NEK1: variants seen among roughly 807,000 people sequenced by gnomAD.
The protein encoded by NEK1 is serine/threonine-protein kinase Nek1.
A neutral mutation model predicts 182.1 loss-of-function variants in NEK1; 137 were observed. The ratio of observed to expected loss-of-function variants is 0.75; its 90% CI spans 0.65 to 0.87. NEK1 has a LOEUF of 0.87. Among genes scored for constraint, NEK1 ranks in the 40% least tolerant of loss-of-function variants. The pLI is 0.00. For missense variants in NEK1, 1,391 were observed against 1,494.4 expected (o/e 0.93, Z 1.14); for synonymous variants, 513 against 492.2 (o/e 1.04, Z -0.56).
rs117554262 is a variant in NEK1 at position 169,588,014 on chromosome 4, G to A, written c.552-401C>T. Among the ~76,000 whole-genome samples, 64 of 152,146 alleles carry A rather than the reference G, an allele frequency of 4.2e-4. 1 individual carries two copies. The East Asian group carries it at 0.011, about 27-fold the overall frequency. On this transcript the variant is annotated intron_variant, in intron 8 of 35. Transcript: ENST00000507142. ...AAATTTGCAACAGCTACTGACTAAT[G>A]TTACCTTGGTTGGGATTTTCCAATT...
At chr4:169,504,227 T>C (rs1054144822) in intron 23 of NEK1, among the ~76,000 whole-genome samples, 1 of 152,074 alleles carries the variant, frequency 6.6e-6, no homozygotes, top group African/African-American at 2.4e-5. Flanking sequence ...CAATAACAAA[T>C]GCTGGCGAGG....
At chr4:169,490,463 T>A (rs1749856097) in intron 23 of NEK1, among the ~76,000 whole-genome samples, 1 of 151,940 alleles carries the variant, frequency 6.6e-6, no homozygotes, top group African/African-American at 2.4e-5. Flanking sequence ...GGAATAATTC[T>A]CCAGATAATG....
In NEK1 at chr4:169,561,678, T is replaced by G; in HGVS notation, c.1191+9A>C. 6.4e-7 allele frequency: 1 copy of G among 1,565,716 alleles called. No individual in the cohort carries two copies. The highest frequency in any genetic ancestry group is 8.7e-7 in the Non-Finnish European group (1 of 1,153,728). On this transcript the variant is annotated intron_variant, in intron 15 of 35. Coordinates refer to ENST00000507142, the MANE Select transcript of NEK1 (RefSeq NM_001199397.3). ...AGAAAAAAGTATATTTAATAGATTA[T>G]CCTCTTACCCTTTCCTTTTCTTGCC...
intron 16 of NEK1, among the ~76,000 whole-genome samples, chr4:169,559,971 T>C (rs1483066199): frequency 6.6e-6 from 1 of 152,166 alleles, no homozygotes; most frequent in East Asian, 1.9e-4. Flanking sequence ...ATCGTGCCAT[T>C]GCACTCCAGC....
chr4:169,479,483 G>T lies in NEK1; in HGVS notation c.2059C>A (p.His687Asn). 6.2e-7 allele frequency: 1 copy of T among 1,611,756 alleles called. No individual in the cohort carries two copies. The highest frequency in any genetic ancestry group is 8.5e-7 in the Non-Finnish European group (1 of 1,178,824). ...TTTGATGGAGAGCCACCTGTTTCATGCTGTCCCAAAGGTGGAGAAACATCA... is the reference window on the plus strand; with the variant it reads ...TTTGATGGAGAGCCACCTGTTTCATTCTGTCCCAAAGGTGGAGAAACATCA... ...SSDVSPPLGQHETGGSPSKQQ... is the reference protein window; with the variant it reads ...SSDVSPPLGQNETGGSPSKQQ... Residue 687 changes from histidine (H) to asparagine (N), a missense_variant, in exon 24 of 36, where the codon CAT becomes AAT. His to Asn is a moderately conservative substitution (Grantham distance 68, BLOSUM62 1). Around this residue, in one of 5 missense-constraint regions of NEK1, gnomAD observed 1,216 missense variants for 1,277.6 expected, o/e 0.95. Coordinates refer to ENST00000507142, the MANE Select transcript of NEK1 (RefSeq NM_001199397.3).
chr4:169,499,173 C>T (rs939540905), intron 23 of NEK1, among the ~76,000 whole-genome samples: 1 of 152,170 alleles, frequency 6.6e-6, no homozygotes. Flanking sequence ...CACTGATACC[C>T]CTTCTTCCAG....
At chr4:169,497,938 G>T (rs1413453345) in intron 23 of NEK1, among the ~76,000 whole-genome samples, 1 of 152,210 alleles carries the variant, frequency 6.6e-6, no homozygotes, top group Non-Finnish European at 1.5e-5. Flanking sequence ...GTGCAGAGCT[G>T]AGTTCAATTC....
chr4:169,514,840 T>C (rs750478894), intron 19 of NEK1, among the ~76,000 whole-genome samples: 6 of 152,160 alleles, frequency 3.9e-5, no homozygotes, highest in African/African-American at 1.4e-4. Flanking sequence ...CTGGTCTCAA[T>C]TTTATCAGTA....
At chr4:169,435,296 G>C (rs2149416329) in intron 28 of NEK1, among the ~76,000 whole-genome samples, 1 of 152,054 alleles carries the variant, frequency 6.6e-6, no homozygotes, top group East Asian at 1.9e-4. Flanking sequence ...CATTAATGAG[G>C]GCGCCACTCT....
intron 12 of NEK1, among the ~76,000 whole-genome samples, chr4:169,564,866 A>T (rs1301636012): frequency 6.6e-6 from 1 of 152,200 alleles, no homozygotes; most frequent in African/African-American, 2.4e-5. Flanking sequence ...TAATTAAATG[A>T]TCATAAGCCA....
chr4:169,528,422 C>T (rs1278532752), intron 19 of NEK1, among the ~76,000 whole-genome samples: 4 of 152,090 alleles, frequency 2.6e-5, no homozygotes, highest in East Asian at 1.9e-4. Context: ...CATTAAGCCA[C>T]GAGGAAATAA....
chr4:169,484,372 C>T (rs895398031), intron 23 of NEK1, among the ~76,000 whole-genome samples: 3 of 152,100 alleles, frequency 2.0e-5, no homozygotes, highest in African/African-American at 4.8e-5. Flanking sequence ...CAATCTGACA[C>T]GATTTCTGTG....
chr4:169,563,175 C>T (rs1340614238), intron 12 of NEK1, among the ~76,000 whole-genome samples: 3 of 151,922 alleles, frequency 2.0e-5, no homozygotes, highest in African/African-American at 7.3e-5. Context: ...GCCTGGATAA[C>T]ATAGTGAGTC....
intron 10 of NEK1, among the ~76,000 whole-genome samples, 175 bp from the exon 11 acceptor site, chr4:169,581,077 C>T (rs565010519): frequency 2.1e-5 from 3 of 141,806 alleles, no homozygotes; most frequent in South Asian, 2.3e-4. Context: ...GCCCAGGTGT[C>T]GTGGTTCATG....
intron 31 of NEK1, 73 bp from the exon 32 acceptor site, chr4:169,406,820 C>G (rs1732711378): frequency 7.7e-7 from 1 of 1,291,272 alleles, no homozygotes; most frequent in South Asian, 1.5e-5. Context: ...AAAACTAGAA[C>G]TAATCACAAT....
chr4:169,431,067 A>G (rs952692057), intron 29 of NEK1, among the ~76,000 whole-genome samples: 1 of 152,150 alleles, frequency 6.6e-6, no homozygotes, highest in Non-Finnish European at 1.5e-5. Context: ...TAAATTAACT[A>G]GATATTTAAA....
At position 169,488,608 on chromosome 4, in the gene NEK1, T is replaced by G. The variant is rs543924914; in HGVS notation, c.2008-9074A>C. 2.9e-4 allele frequency among the ~76,000 whole-genome samples: 44 copies of G among 152,266 alleles called. No homozygotes were observed. The Middle Eastern group carries it at 0.01, about 35-fold the overall frequency. On this transcript the variant is annotated intron_variant, in intron 23 of 35. Coordinates refer to ENST00000507142, the MANE Select transcript of NEK1 (RefSeq NM_001199397.3). ...TTTATCCTTTGTTAGATTGAAAATA[T>G]TATACTTTTGAGAATCCAAGGAAAT...
chr4:169,486,784 C>G (rs1386976304), intron 23 of NEK1, among the ~76,000 whole-genome samples: 1 of 152,090 alleles, frequency 6.6e-6, no homozygotes, highest in Non-Finnish European at 1.5e-5. Context: ...CATGGAAAGT[C>G]TAAAAATAAG....
At chr4:169,439,541 G>A (rs925961284) in intron 27 of NEK1, among the ~76,000 whole-genome samples, 1 of 152,086 alleles carries the variant, frequency 6.6e-6, no homozygotes, top group African/African-American at 2.4e-5. Context: ...TCCTCCTTCA[G>A]CCCTACCATT....
Sources: allele counts gnomAD v4.1 joint callset (sites outside exome capture counted in the v4.1 genomes callset), GRCh38; gene constraint gnomAD v4.1.1; regional missense constraint gnomAD v4.1.1; transcripts MANE v1.5; gene names NCBI Gene and HGNC (gene_info 2026-07-23, HGNC 2026-07-21).